PTPN1: variants seen among roughly 807,000 people sequenced by gnomAD.
PTPN1 encodes the protein tyrosine-protein phosphatase non-receptor type 1.
A neutral mutation model predicts 59.9 loss-of-function variants in PTPN1; 12 were observed. The ratio of observed to expected loss-of-function variants is 0.20; its 90% CI spans 0.13 to 0.32. The LOEUF is 0.32. Among genes scored for constraint, PTPN1 ranks in the 10% least tolerant of loss-of-function variants. The probability of loss-of-function intolerance (pLI) is 1.00; values close to 1 mark genes in which losing one functional copy is unlikely to be tolerated. For synonymous variants in PTPN1, 178 were observed against 203.6 expected (o/e 0.87, Z 1.07); for missense variants, 356 against 549.2 (o/e 0.65, Z 3.52).
chr20:50,581,106 C>G (rs1035896426), intron 8 of PTPN1, among the ~76,000 whole-genome samples, 159 bp from the exon 9 acceptor site: 1 of 152,132 alleles, frequency 6.6e-6, no homozygotes, highest in Non-Finnish European at 1.5e-5. Context: ...GCCTGGCCCT[C>G]CCTCCAAGCA....
chr20:50,568,314 A>G lies in PTPN1; in HGVS notation c.256-66A>G. On this transcript the variant is annotated intron_variant, in intron 3 of 9. Coordinates refer to ENST00000371621, the MANE Select transcript of PTPN1 (RefSeq NM_002827.4). This position sits in a 1 kb window ranked among gnomAD's most constrained non-coding sequence, Gnocchi z 5.6. ...GGCGCTGTCGTTAGCTGACTGCAGA[A>G]GGTGAGCACACGCTGTAGCATGTTA... is the stretch of plus-strand genomic sequence containing the variant. 2 of 1,419,140 alleles carry G rather than the reference A, an allele frequency of 1.4e-6. No individual in the cohort carries two copies. Among genetic ancestry groups the G allele is most frequent in the Non-Finnish European group, 2.0e-6 (2 of 1,003,364 alleles). 87.9% of individuals were successfully genotyped at this position (1,419,140 alleles called of 1,614,324 possible).
At chr20:50,515,436 A>G (rs544223165) in intron 1 of PTPN1, among the ~76,000 whole-genome samples, 4 of 152,282 alleles carry the variant, frequency 2.6e-5, no homozygotes, top group African/African-American at 9.6e-5. Flanking sequence ...CTGTCATTGT[A>G]GCTGCGTCTT....
intron 1 of PTPN1, among the ~76,000 whole-genome samples, chr20:50,560,320 G>T (rs993553635): frequency 1.3e-5 from 2 of 152,124 alleles, no homozygotes; most frequent in Non-Finnish European, 2.9e-5. Flanking sequence ...GATTTCTGCA[G>T]AAGTCTGAGG....
intron 1 of PTPN1, among the ~76,000 whole-genome samples, chr20:50,515,572 A>G (rs6020573): frequency 0.017 from 2,633 of 152,262 alleles, 27 homozygotes; most frequent in East Asian, 0.051. Flanking sequence ...GATTATAGGT[A>G]TGAGACACTG....
At chr20:50,578,944 A>C (rs1307469921) in intron 6 of PTPN1, among the ~76,000 whole-genome samples, 1 of 151,902 alleles carries the variant, frequency 6.6e-6, no homozygotes, top group Non-Finnish European at 1.5e-5. Flanking sequence ...GAGGTCCCAG[A>C]CTCTTAACCA....
At chr20:50,528,863 G>A (rs971781643) in intron 1 of PTPN1, among the ~76,000 whole-genome samples, 4 of 152,064 alleles carry the variant, frequency 2.6e-5, no homozygotes, top group African/African-American at 4.8e-5. Flanking sequence ...TTGAGTTGAT[G>A]GTATTGTGTT....
At chr20:50,574,770 C>A in intron 5 of PTPN1, 116 bp downstream of exon 5, 2 of 1,348,120 alleles carry the variant, frequency 1.5e-6, no homozygotes, top group Admixed American at 2.5e-5. Context: ...ATACCCCGAG[C>A]AAGATGTGGT....
intron 1 of PTPN1, among the ~76,000 whole-genome samples, chr20:50,547,383 T>C (rs1568784445): frequency 6.6e-6 from 1 of 152,124 alleles, no homozygotes; most frequent in Non-Finnish European, 1.5e-5. Context: ...CTTTTTTTTT[T>C]TTGAGAGTCT....
intron 5 of PTPN1, 146 bp from the exon 6 acceptor site, chr20:50,578,274 T>TG: frequency 1.3e-6 from 1 of 755,322 alleles, no homozygotes; most frequent in East Asian, 2.5e-5. Flanking sequence ...ATTTGTTGAC[T>TG]GGGTGTGTGG....
Position 50,582,952 on chromosome 20 carries a change from G to A in PTPN1, c.*237G>A, listed in dbSNP as rs1285543239. On this transcript the variant is annotated 3_prime_UTR_variant, in exon 10 of 10. Coordinates refer to ENST00000371621, the MANE Select transcript of PTPN1 (RefSeq NM_002827.4). The surrounding 1 kb of genome is among the most constrained non-coding windows in gnomAD (Gnocchi z 4.2). ...ACCAAATCCACAAGCCATTTTTTGAGGAGAGTGAAAGAGAGTACCATGCTG... is the reference window on the plus strand; with the variant it reads ...ACCAAATCCACAAGCCATTTTTTGAAGAGAGTGAAAGAGAGTACCATGCTG... 5.1e-6 allele frequency: 3 copies of A among 594,018 alleles called. No individual in the cohort carries two copies. Among genetic ancestry groups the A allele is most frequent in the Non-Finnish European group, 9.1e-6 (3 of 330,900 alleles). 36.8% of individuals were successfully genotyped at this position (594,018 alleles called of 1,614,324 possible). A position where few individuals can be genotyped will look rare whatever the true frequency, so the allele number is the denominator to read the frequency against.
chr20:50,548,002 C>T (rs1407982054), intron 1 of PTPN1, among the ~76,000 whole-genome samples: 2 of 152,090 alleles, frequency 1.3e-5, no homozygotes, highest in Non-Finnish European at 2.9e-5. Flanking sequence ...ATTAAGCTTC[C>T]AAACAATATT....
intron 1 of PTPN1, among the ~76,000 whole-genome samples, chr20:50,511,983 C>T (rs181666472): frequency 6.6e-6 from 1 of 152,000 alleles, no homozygotes; most frequent in East Asian, 1.9e-4. Flanking sequence ...TTTTTTTTGG[C>T]AGCCTTGATT....
At chr20:50,527,485 A>T (rs2082582272) in intron 1 of PTPN1, among the ~76,000 whole-genome samples, 1 of 151,998 alleles carries the variant, frequency 6.6e-6, no homozygotes, top group Admixed American at 6.5e-5. Context: ...CTGGGATTAC[A>T]GGTGCCTGTC....
chr20:50,531,774 G>A (rs576854747), intron 1 of PTPN1, among the ~76,000 whole-genome samples: 13 of 152,216 alleles, frequency 8.5e-5, no homozygotes, highest in South Asian at 6.2e-4. Flanking sequence ...GCCCCCGGTC[G>A]CTCTCTGTGT....
chr20:50,545,100 A>G (rs1430043786), intron 1 of PTPN1, among the ~76,000 whole-genome samples: 3 of 152,212 alleles, frequency 2.0e-5, no homozygotes, highest in Non-Finnish European at 4.4e-5. Context: ...TGTGATTCCC[A>G]TCAAGAGGTA....
intron 1 of PTPN1, among the ~76,000 whole-genome samples, chr20:50,552,553 G>A (rs998067383): frequency 6.6e-6 from 1 of 152,116 alleles, no homozygotes; most frequent in African/African-American, 2.4e-5. Context: ...CCTCAGCCAG[G>A]TGCAGTGGCT....
intron 1 of PTPN1, among the ~76,000 whole-genome samples, chr20:50,543,397 C>G (rs1282967290): frequency 6.6e-6 from 1 of 152,190 alleles, no homozygotes; most frequent in African/African-American, 2.4e-5. Flanking sequence ...TGAAGGTAAC[C>G]TGCATCATCT....
intron 1 of PTPN1, among the ~76,000 whole-genome samples, chr20:50,535,879 C>T (rs565090721): frequency 2.6e-5 from 4 of 151,980 alleles, no homozygotes; most frequent in Non-Finnish European, 5.9e-5. Flanking sequence ...CGTCCCCCAC[C>T]CCCAAATAGA....
intron 1 of PTPN1, among the ~76,000 whole-genome samples, chr20:50,521,593 G>T (rs2082551388): frequency 6.6e-6 from 1 of 152,192 alleles, no homozygotes; most frequent in East Asian, 1.9e-4. Context: ...GATTTATTAG[G>T]ACATAGGAGG....
Sources: gnomAD v4.1 joint callset for allele counts (sites outside exome capture counted in the v4.1 genomes callset) on GRCh38, gnomAD v4.1.1 for gene constraint, Gnocchi (gnomAD v3.1) non-coding constraint, MANE v1.5 for transcripts, NCBI Gene and HGNC (gene_info 2026-07-23, HGNC 2026-07-21) for gene names.